The following AP1G1 variants were observed in gnomAD, a reference collection of about 807,000 sequenced individuals.
The protein encoded by AP1G1 is adaptor related protein complex 1 subunit gamma 1.
In AP1G1, 7 loss-of-function variants were observed where a neutral mutation model predicts 108.3. That is an observed-to-expected ratio of 0.06 (90% CI 0.04 to 0.12). AP1G1 has a LOEUF of 0.12. Among genes scored for constraint, AP1G1 ranks in the 10% least tolerant of loss-of-function variants. AP1G1 has a pLI of 1.00. For synonymous variants in AP1G1, 379 were observed against 353.5 expected, an observed-to-expected ratio of 1.07 and a Z score of -0.81; for missense variants, 756 against 1,010.7, an observed-to-expected ratio of 0.75 and a Z score of 3.42.
intron 19 of AP1G1, among the ~76,000 whole-genome samples, chr16:71,744,217 C>T (rs1263435503): frequency 6.6e-6 from 1 of 152,182 alleles, no homozygotes; most frequent in East Asian, 1.9e-4. Flanking sequence ...GCACTCCAGC[C>T]TGTGCAACAG....
At chr16:71,792,231 T>C (rs753430149) in intron 1 of AP1G1, among the ~76,000 whole-genome samples, 1 of 152,164 alleles carries the variant, frequency 6.6e-6, no homozygotes, top group South Asian at 2.1e-4. Flanking sequence ...GGAGTTTCAG[T>C]ATGGCAGGTT....
chr16:71,790,324 T>A (rs2032352879), intron 1 of AP1G1, among the ~76,000 whole-genome samples: 1 of 152,050 alleles, frequency 6.6e-6, no homozygotes, highest in Non-Finnish European at 1.5e-5. Context: ...GCGGATCACC[T>A]GAGGTCGGGA....
At position 71,808,533 on chromosome 16, in the gene AP1G1, CCGCGG is replaced by C. The variant is rs1011059130; in HGVS notation, c.-4+225_-4+229del. On this transcript the variant is annotated intron_variant, in intron 1 of 22. Coordinates refer to ENST00000299980, the MANE Select transcript of AP1G1 (RefSeq NM_001128.6). ...CGGGGCAACGCCACAACACGGAACG[CCGCGG>C]CGCGCGGAACCTCCCGGTCCGAGGC... 1.1e-5 allele frequency: 14 copies of C among 1,282,554 alleles called. No homozygotes were observed. The African/African-American group carries it at 2.1e-4, about 20-fold the overall frequency. 79.4% of individuals were successfully genotyped at this position (1,282,554 alleles called of 1,614,324 possible).
chr16:71,742,225 AAT>A (rs1327995503), intron 19 of AP1G1: 1 of 152,154 alleles, frequency 6.6e-6, no homozygotes, highest in East Asian at 1.9e-4. Flanking sequence ...AGGATACAGG[AAT>A]GTTCAGAAAG....
Position 71,750,153 on chromosome 16 carries a change from A to G in AP1G1, c.1407+57T>C, listed in dbSNP as rs2030409277. On this transcript the variant is annotated intron_variant, in intron 14 of 22. Transcript: ENST00000299980. ...AGGGGGGAAAAAAAAGAAGAAAAACATACCAGAAAAATTGAGGGTAAAATT... is the reference window on the plus strand; with the variant it reads ...AGGGGGGAAAAAAAAGAAGAAAAACGTACCAGAAAAATTGAGGGTAAAATT... The G allele has an allele frequency of 4.4e-6, 7 of 1,595,994 alleles. No homozygotes were observed. In the Admixed American group the frequency reaches 1.0e-4, roughly 24 times the overall value.
At chr16:71,750,434 A>G in intron 13 of AP1G1, 102 bp from the exon 14 acceptor site, 1 of 1,437,796 alleles carries the variant, frequency 7.0e-7, no homozygotes, top group Non-Finnish European at 9.5e-7. Context: ...TCTTTTTTTG[A>G]GACAGAGTCT....
At position 71,752,098 on chromosome 16, in the gene AP1G1, T is replaced by C. The variant is rs1048587045; in HGVS notation, c.1284+1735A>G. On this transcript the variant is annotated intron_variant, in intron 13 of 22. Transcript: ENST00000299980. ...GGCTGGTTAGGCATTCAAATATCAA[T>C]GTAACCCAGCATGTAACAGGCTAAA... Among the ~76,000 whole-genome samples, 8 of 152,092 alleles carry C rather than the reference T, an allele frequency of 5.3e-5. 1 individual carries two copies. Among genetic ancestry groups the C allele is most frequent in the Admixed American group, 4.6e-4 (7 of 15,266 alleles).
At chr16:71,792,009 G>A (rs527565175) in intron 1 of AP1G1, among the ~76,000 whole-genome samples, 134 of 152,060 alleles carry the variant, frequency 8.8e-4, no homozygotes, top group African/African-American at 2.9e-3. Flanking sequence ...TGATCCACCC[G>A]CCTTGGCCTC....
chr16:71,807,186 G>T (rs2033022353), intron 1 of AP1G1, among the ~76,000 whole-genome samples: 1 of 81,684 alleles, frequency 1.2e-5, no homozygotes, highest in South Asian at 4.6e-4. Flanking sequence ...AGCACTTTGG[G>T]AGGCCGAGGC....
chr16:71,806,691 G>A (rs754074552), intron 1 of AP1G1: 6 of 1,287,540 alleles, frequency 4.7e-6, no homozygotes, highest in African/African-American at 1.5e-5. Flanking sequence ...CTTACTAAAT[G>A]AGTGAGCATT....
In AP1G1 at chr16:71,729,398, C is replaced by T. The variant is rs984759774; in HGVS notation, c.*3660G>A. The T allele has an allele frequency of 3.8e-5, 5 of 132,416 alleles. No homozygotes were observed. The highest frequency in any genetic ancestry group is 1.4e-4 in the African/African-American group (5 of 34,806). 8.2% of individuals were successfully genotyped at this position (132,416 alleles called of 1,614,324 possible). A position where few individuals can be genotyped will look rare whatever the true frequency, so the allele number is the denominator to read the frequency against. Reference sequence around the variant, plus strand: ...CCCCAAATGGAAAACAAAAACAAAACACACAAAGCGCAACCGCAGGTTCTT... The same window carrying T: ...CCCCAAATGGAAAACAAAAACAAAATACACAAAGCGCAACCGCAGGTTCTT... On this transcript the variant is annotated 3_prime_UTR_variant, in exon 23 of 23. Coordinates refer to ENST00000299980, the MANE Select transcript of AP1G1 (RefSeq NM_001128.6).
At chr16:71,741,827 G>C (rs949795664) in intron 19 of AP1G1, among the ~76,000 whole-genome samples, 3 of 152,070 alleles carry the variant, frequency 2.0e-5, no homozygotes, top group African/African-American at 7.2e-5. Context: ...GAAAATCAGA[G>C]GCTACTCAAG....
intron 15 of AP1G1, 38 bp downstream of exon 15, chr16:71,749,856 C>T (rs2030393003): frequency 6.6e-7 from 1 of 1,521,216 alleles, no homozygotes; most frequent in African/African-American, 1.4e-5. Context: ...ACCAAAACCA[C>T]TATTTTCCCC....
intron 11 of AP1G1, among the ~76,000 whole-genome samples, chr16:71,757,989 T>G (rs897701135): frequency 5.3e-5 from 8 of 152,304 alleles, no homozygotes; most frequent in Non-Finnish European, 8.8e-5. Context: ...ACTGAGAGGG[T>G]ACTTATAAAA....
In AP1G1 at chr16:71,731,625, C is replaced by T. The variant is rs989988469; in HGVS notation, c.*1433G>A. 6.6e-6 allele frequency: 1 copy of T among 152,546 alleles called. No homozygotes were observed. The highest frequency in any genetic ancestry group is 1.5e-5 in the Non-Finnish European group (1 of 68,040). 9.4% of individuals were successfully genotyped at this position (152,546 alleles called of 1,614,324 possible). ...TGTACCACAGAGAGAGTCACCTCTA[C>T]TTCATTCCAGCAACTCAATTTCAAA... On this transcript the variant is annotated 3_prime_UTR_variant, in exon 23 of 23. Coordinates refer to ENST00000299980, the MANE Select transcript of AP1G1 (RefSeq NM_001128.6).
At position 71,769,647 on chromosome 16, in the gene AP1G1, T is replaced by C. The variant is rs149577850; in HGVS notation, c.618A>G (p.Pro206=). The C allele has an allele frequency of 7.4e-6, 12 of 1,613,626 alleles. No homozygotes were observed. The highest frequency in any genetic ancestry group is 1.3e-5 in the African/African-American group (1 of 74,928). ...VLLTEMCERS[P]DMLAHFRKLV... is the part of the protein sequence containing the mutation. ...CCTTTCTGAAATGCGCAAGCATGTC[T>C]GGGCTTCGCTCACACATTTCTGTGA... Residue 206 remains proline, a synonymous_variant, in exon 6 of 23, where the codon CCA becomes CCG. Transcript: ENST00000299980.
chr16:71,743,939 CTGTCT>C (rs2030009262), intron 19 of AP1G1, among the ~76,000 whole-genome samples: 1 of 122,456 alleles, frequency 8.2e-6, no homozygotes. Context: ...GAGTGAGACT[CTGTCT>C]CAAAAAAAAA....
intron 1 of AP1G1, among the ~76,000 whole-genome samples, chr16:71,790,099 G>C (rs376119103): frequency 2.6e-5 from 1 of 38,588 alleles, no homozygotes; most frequent in Non-Finnish European, 4.8e-5. Context: ...TCTTTTAAAA[G>C]TAAAAAAAAA....
intron 19 of AP1G1, chr16:71,743,158 C>T (rs1170632141): frequency 6.6e-6 from 1 of 151,852 alleles, no homozygotes; most frequent in Non-Finnish European, 1.5e-5. Flanking sequence ...TTTTTCTTTG[C>T]CGGTTATCCA....
Sources: allele counts gnomAD v4.1 joint callset (sites outside exome capture counted in the v4.1 genomes callset), GRCh38; gene constraint gnomAD v4.1.1; transcripts MANE v1.5; gene names NCBI Gene and HGNC (gene_info 2026-07-23, HGNC 2026-07-21).